TMEM117: variants seen among roughly 807,000 people sequenced by gnomAD.
The protein encoded by TMEM117 is transmembrane protein 117.
A neutral mutation model predicts 52.4 loss-of-function variants in TMEM117; 27 were observed. The ratio of observed to expected loss-of-function variants is 0.51; its 90% confidence interval spans 0.38 to 0.71. The LOEUF (loss-of-function observed/expected upper bound fraction) is 0.71. Among genes scored for constraint, TMEM117 ranks in the 30% least tolerant of loss-of-function variants. TMEM117 has a pLI of 0.00. For synonymous variants in TMEM117, 215 were observed against 206.3 expected (o/e 1.04, Z -0.36); for missense variants, 556 against 630.5 (o/e 0.88, Z 1.26).
At chr12:43,970,315 G>A (rs1945560420) in intron 3 of TMEM117, among the ~76,000 whole-genome samples, 1 of 150,994 alleles carries the variant, frequency 6.6e-6, no homozygotes, top group Non-Finnish European at 1.5e-5. Flanking sequence ...TTGAGATGGA[G>A]TCTTGCTCTG....
intron 3 of TMEM117, among the ~76,000 whole-genome samples, chr12:44,042,213 G>A (rs1473898453): frequency 6.6e-6 from 1 of 150,766 alleles, no homozygotes; most frequent in Non-Finnish European, 1.5e-5. Flanking sequence ...TCAGCTATGT[G>A]TAATCTGCCT....
chr12:44,289,225 TTGTGTGTGTGTGTGTG>T (rs59507806), intron 5 of TMEM117, among the ~76,000 whole-genome samples: 6 of 145,978 alleles, frequency 4.1e-5, no homozygotes, highest in Non-Finnish European at 6.0e-5. Context: ...CTATCCCATT[TTGTGTGTGTGTGTGTG>T]TGTGTGTGTG....
intron 6 of TMEM117, among the ~76,000 whole-genome samples, chr12:44,302,062 C>T (rs1057448243): frequency 2.0e-5 from 3 of 152,168 alleles, no homozygotes; most frequent in Non-Finnish European, 4.4e-5. Flanking sequence ...TATCTTTATG[C>T]CTTTAATATC....
chr12:44,187,536 T>C lies in TMEM117; in HGVS notation c.511-23754T>C, dbSNP rs149682770. Reference sequence around the variant, plus strand: ...CAGTAATGTTTTTGCATTAATACTATGTGCTAAGGAAATTCAGATTGAATA... The same window carrying C: ...CAGTAATGTTTTTGCATTAATACTACGTGCTAAGGAAATTCAGATTGAATA... On this transcript the variant is annotated intron_variant, in intron 4 of 7. Transcript: ENST00000266534. Among the ~76,000 whole-genome samples, 137 of 152,310 alleles carry C rather than the reference T, an allele frequency of 9.0e-4. 1 individual carries two copies. Among genetic ancestry groups the C allele is most frequent in the Non-Finnish European group, 1.7e-3 (114 of 68,018 alleles).
intron 6 of TMEM117, among the ~76,000 whole-genome samples, chr12:44,375,189 T>C (rs1274979373): frequency 6.6e-6 from 1 of 152,148 alleles, no homozygotes; most frequent in Non-Finnish European, 1.5e-5. Flanking sequence ...TCTTAAGTCA[T>C]AATATTTTAG....
chr12:43,801,004 G>A, the TMEM117 span, among the ~76,000 whole-genome samples: 1 of 152,036 alleles, frequency 6.6e-6, no homozygotes, highest in Non-Finnish European at 1.5e-5. Flanking sequence ...CACTCGCCTC[G>A]GCTTCCCAAA....
At chr12:43,845,874 A>C (rs1218710176) in intron 2 of TMEM117, among the ~76,000 whole-genome samples, 1 of 152,196 alleles carries the variant, frequency 6.6e-6, no homozygotes, top group African/African-American at 2.4e-5. Flanking sequence ...ACATGAACTC[A>C]TCTTTTCTTA....
At chr12:44,218,944 G>T (rs1949754573) in intron 5 of TMEM117, among the ~76,000 whole-genome samples, 1 of 152,178 alleles carries the variant, frequency 6.6e-6, no homozygotes, top group Admixed American at 6.5e-5. Context: ...TGGGAATCCA[G>T]TGTGGGCAGA....
chr12:44,394,940 T>C, the TMEM117 span, among the ~76,000 whole-genome samples: 1 of 152,202 alleles, frequency 6.6e-6, no homozygotes, highest in Non-Finnish European at 1.5e-5. Flanking sequence ...AATAAAATTT[T>C]AAAACAGTGT....
the TMEM117 span, among the ~76,000 whole-genome samples, chr12:43,822,104 G>A: frequency 6.6e-6 from 1 of 152,160 alleles, no homozygotes; most frequent in Non-Finnish European, 1.5e-5. Flanking sequence ...AAGATTTCAG[G>A]ACTTCTCTAG....
At chr12:43,951,076 C>T (rs1456968916) in intron 3 of TMEM117, among the ~76,000 whole-genome samples, 1 of 152,190 alleles carries the variant, frequency 6.6e-6, no homozygotes, top group Non-Finnish European at 1.5e-5. Flanking sequence ...CCTCCCTCCC[C>T]CAGCCAAGGG....
At chr12:44,314,390 A>C (rs1951028138) in intron 6 of TMEM117, among the ~76,000 whole-genome samples, 1 of 152,174 alleles carries the variant, frequency 6.6e-6, no homozygotes, top group Admixed American at 6.5e-5. Context: ...TTTGTGGTGA[A>C]TCACATTTAT....
At chr12:43,972,485 G>A (rs1018781191) in intron 3 of TMEM117, among the ~76,000 whole-genome samples, 6 of 152,212 alleles carry the variant, frequency 3.9e-5, no homozygotes, top group Non-Finnish European at 7.3e-5. Context: ...GGAAGGGGAT[G>A]CAAGTGGGTT....
At chr12:43,805,887 T>A in the TMEM117 span, 1 of 1,457,550 alleles carries the variant, frequency 6.9e-7, no homozygotes, top group Non-Finnish European at 9.2e-7. Flanking sequence ...AGCTCTTCCC[T>A]ACGTGACCAA....
intron 5 of TMEM117, among the ~76,000 whole-genome samples, chr12:44,260,111 T>G (rs1271102120): frequency 6.6e-6 from 1 of 152,200 alleles, no homozygotes; most frequent in Non-Finnish European, 1.5e-5. Flanking sequence ...ACAAGAAGCG[T>G]CTTTCCATGA....
At chr12:43,985,900 T>C (rs560257294) in intron 3 of TMEM117, among the ~76,000 whole-genome samples, 2 of 152,372 alleles carry the variant, frequency 1.3e-5, no homozygotes, top group East Asian at 3.9e-4. Context: ...GAAAGTTCTA[T>C]GTTTGTTGGT....
At chr12:44,121,319 T>C (rs995102982) in intron 3 of TMEM117, among the ~76,000 whole-genome samples, 2 of 152,152 alleles carry the variant, frequency 1.3e-5, no homozygotes, top group South Asian at 4.1e-4. Context: ...GTAATAAATA[T>C]GGTTAACCAT....
At chr12:44,205,877 A>G (rs1189017714) in intron 4 of TMEM117, among the ~76,000 whole-genome samples, 1 of 152,192 alleles carries the variant, frequency 6.6e-6, no homozygotes, top group Non-Finnish European at 1.5e-5. Flanking sequence ...CTTAAAATAG[A>G]ACTAATATTT....
chr12:43,894,068 A>G (rs1944155311), intron 2 of TMEM117, among the ~76,000 whole-genome samples: 1 of 152,194 alleles, frequency 6.6e-6, no homozygotes, highest in Admixed American at 6.5e-5. Context: ...CTGACATACC[A>G]ATACTTCCAT....
Sources: gnomAD v4.1 joint callset for allele counts (sites outside exome capture counted in the v4.1 genomes callset) on GRCh38, gnomAD v4.1.1 for gene constraint, MANE v1.5 for transcripts, NCBI Gene and HGNC (gene_info 2026-07-23, HGNC 2026-07-21) for gene names.